The following HEMK2 variants were observed in gnomAD, a reference collection of about 807,000 sequenced individuals.
The protein encoded by HEMK2 is methyltransferase HEMK2.
At chr21:28,789,660 G>C in the HEMK2 span, among the ~76,000 whole-genome samples, 1 of 152,168 alleles carries the variant, frequency 6.6e-6, no homozygotes, top group Non-Finnish European at 1.5e-5. Context: ...ACACAAAACA[G>C]CCGACATGTA....
chr21:28,609,648 GAA>G, the HEMK2 span, among the ~76,000 whole-genome samples: 151 of 82,848 alleles, frequency 1.8e-3, no homozygotes, highest in Middle Eastern at 7.9e-3. Context: ...CCAACTTAAA[GAA>G]AAAAAAAAAA....
At chr21:28,624,507 T>C in the HEMK2 span, among the ~76,000 whole-genome samples, 1 of 152,210 alleles carries the variant, frequency 6.6e-6, no homozygotes, top group Non-Finnish European at 1.5e-5. Flanking sequence ...AATATTCACC[T>C]AGTCAGAAGA....
At chr21:28,809,052 GAATTGTGCTAGAGA>G in the HEMK2 span, among the ~76,000 whole-genome samples, 1 of 152,126 alleles carries the variant, frequency 6.6e-6, no homozygotes, top group East Asian at 1.9e-4. Context: ...TGTCTTTAAT[GAATTGTGCTAGAGA>G]AATTCACAAT....
At chr21:28,857,153 C>T in the HEMK2 span, among the ~76,000 whole-genome samples, 3 of 152,068 alleles carry the variant, frequency 2.0e-5, no homozygotes, top group African/African-American at 7.2e-5. Context: ...TGAAGAGTTA[C>T]CCAGAAGTAT....
chr21:28,725,737 AT>A, the HEMK2 span, among the ~76,000 whole-genome samples: 1 of 152,192 alleles, frequency 6.6e-6, no homozygotes, highest in Non-Finnish European at 1.5e-5. Context: ...ATTCTGGATG[AT>A]TTTTATAATT....
chr21:28,821,409 A>C, the HEMK2 span, among the ~76,000 whole-genome samples: 1 of 152,208 alleles, frequency 6.6e-6, no homozygotes, highest in African/African-American at 2.4e-5. Context: ...AATTTGCTGG[A>C]AATATTTAAA....
the HEMK2 span, among the ~76,000 whole-genome samples, chr21:28,771,908 G>T: frequency 1.1e-4 from 17 of 152,094 alleles, no homozygotes; most frequent in Admixed American, 7.9e-4. Context: ...CCAAGAAAGG[G>T]GCTAGGGGTG....
the HEMK2 span, among the ~76,000 whole-genome samples, chr21:28,729,912 G>A: frequency 1.3e-5 from 2 of 152,104 alleles, no homozygotes; most frequent in African/African-American, 2.4e-5. Flanking sequence ...CAAAACACAC[G>A]TGGAGAACAA....
chr21:28,709,142 C>T, the HEMK2 span, among the ~76,000 whole-genome samples: 1 of 152,132 alleles, frequency 6.6e-6, no homozygotes, highest in African/African-American at 2.4e-5. Context: ...ACCCTAGTGA[C>T]CTAATCGCCA....
At chr21:28,876,415 A>C in the HEMK2 span, 1 of 1,611,078 alleles carries the variant, frequency 6.2e-7, no homozygotes, top group Admixed American at 1.7e-5. Flanking sequence ...GGACTGAAAG[A>C]GTTTCTTGGC....
chr21:28,810,720 C>T, the HEMK2 span, among the ~76,000 whole-genome samples: 1 of 152,132 alleles, frequency 6.6e-6, no homozygotes, highest in Non-Finnish European at 1.5e-5. Context: ...TAACCCATAG[C>T]CAAAACCACT....
At chr21:28,870,222 T>C in the HEMK2 span, among the ~76,000 whole-genome samples, 1 of 152,228 alleles carries the variant, frequency 6.6e-6, no homozygotes, top group African/African-American at 2.4e-5. Flanking sequence ...GTATGGACTT[T>C]ACACAAACCT....
chr21:28,665,694 T>C, the HEMK2 span, among the ~76,000 whole-genome samples: 1 of 151,308 alleles, frequency 6.6e-6, no homozygotes, highest in African/African-American at 2.4e-5. Context: ...CTCAGGGATC[T>C]AGAACTAGAA....
chr21:28,733,222 T>C, the HEMK2 span, among the ~76,000 whole-genome samples: 1 of 152,116 alleles, frequency 6.6e-6, no homozygotes. Context: ...GAGCTTGCAG[T>C]GAGCCGAGAT....
the HEMK2 span, among the ~76,000 whole-genome samples, chr21:28,620,655 C>CTTTTTT: frequency 1.5e-5 from 1 of 65,538 alleles, no homozygotes; most frequent in East Asian, 4.8e-4. Context: ...ATTCTTCTCT[C>CTTTTTT]TTTTCTTTTT....
chr21:28,739,181 C>T, the HEMK2 span, among the ~76,000 whole-genome samples: 2 of 152,182 alleles, frequency 1.3e-5, no homozygotes, highest in Non-Finnish European at 2.9e-5. Flanking sequence ...CATTTGATGA[C>T]CTGAAACATT....
chr21:28,666,987 G>A, the HEMK2 span, among the ~76,000 whole-genome samples: 1 of 152,034 alleles, frequency 6.6e-6, no homozygotes, highest in African/African-American at 2.4e-5. Context: ...AACAGAATTT[G>A]GAATCATAAA....
chr21:28,824,016 T>C, the HEMK2 span, among the ~76,000 whole-genome samples: 1 of 152,330 alleles, frequency 6.6e-6, no homozygotes, highest in African/African-American at 2.4e-5. Context: ...TGCATTTTTT[T>C]ATAAGCTTCT....
chr21:28,626,959 A>G, the HEMK2 span, among the ~76,000 whole-genome samples: 1,369 of 152,346 alleles, frequency 9.0e-3, 9 homozygotes, highest in Middle Eastern at 0.014. Context: ...AGTTTTATTC[A>G]TAAGAGCTAA....
Sources: gnomAD v4.1 joint callset for allele counts (sites outside exome capture counted in the v4.1 genomes callset) on GRCh38, gnomAD v4.1.1 for gene constraint, MANE v1.5 for transcripts, NCBI Gene and HGNC (gene_info 2026-07-23, HGNC 2026-07-21) for gene names.